MCC: variants seen among roughly 807,000 people sequenced by gnomAD.
MCC encodes the protein colorectal mutant cancer protein.
In MCC, 90 loss-of-function variants were observed where a neutral mutation model predicts 116.2. The ratio of observed to expected loss-of-function variants is 0.77; its 90% CI spans 0.65 to 0.92. MCC has a LOEUF of 0.92. Ranked by LOEUF, MCC falls within the 40% of genes least tolerant of loss-of-function variation. The pLI, the probability that MCC is intolerant of heterozygous loss-of-function variation, is 0.00. For missense variants in MCC, 1,516 were observed against 1,312.2 expected, an observed-to-expected ratio of 1.16 and a Z score of -2.40; for synonymous variants, 578 against 510.5, an observed-to-expected ratio of 1.13 and a Z score of -1.78.
chr5:113,079,350 G>C (rs550900629), intron 11 of MCC, among the ~76,000 whole-genome samples: 101 of 152,268 alleles, frequency 6.6e-4, no homozygotes, highest in African/African-American at 2.2e-3. Context: ...ACATTGCTAA[G>C]ACAATCCTAA....
chr5:113,105,734 T>C (rs1047459306), intron 6 of MCC, among the ~76,000 whole-genome samples: 2 of 152,204 alleles, frequency 1.3e-5, no homozygotes, highest in African/African-American at 4.8e-5. Context: ...ACTGGACCAC[T>C]GTAACAATCT....
Position 113,340,506 on chromosome 5 carries a change from A to C in MCC, c.627+13T>G, listed in dbSNP as rs755884177. 1 of 1,612,140 alleles carries C rather than the reference A, an allele frequency of 6.2e-7. No individual in the cohort carries two copies. ...GGCCGAAATATGTATTCCATGAACC[A>C]AAAAGTACTCACTGTGTTGGCCAGC... On this transcript the variant is annotated intron_variant, in intron 3 of 18. Transcript: ENST00000408903.
chr5:113,311,340 T>C (rs1226279626), intron 3 of MCC, among the ~76,000 whole-genome samples: 3 of 152,194 alleles, frequency 2.0e-5, no homozygotes, highest in Admixed American at 2.0e-4. Flanking sequence ...TGCCCGTGTC[T>C]CCTCCTTAGG....
intron 17 of MCC, among the ~76,000 whole-genome samples, chr5:113,038,731 T>C (rs1751486971): frequency 6.6e-6 from 1 of 151,934 alleles, no homozygotes; most frequent in Admixed American, 6.6e-5. Context: ...TGCCACTGGA[T>C]ATATCCTTAC....
At chr5:113,139,922 G>C (rs80190911) in intron 5 of MCC, among the ~76,000 whole-genome samples, 11,321 of 152,206 alleles carry the variant, frequency 0.074, 541 homozygotes, top group East Asian at 0.12. Context: ...AAATTGACAA[G>C]TGGGATCTAA....
intron 5 of MCC, among the ~76,000 whole-genome samples, chr5:113,139,373 C>G (rs7725873): frequency 0.86 from 130,987 of 152,134 alleles, 57,153 homozygotes; most frequent in Non-Finnish European, 0.93. Flanking sequence ...GTAACATACT[C>G]AATCCAGAAT....
At chr5:113,347,368 TTA>T (rs1489546148) in intron 2 of MCC, among the ~76,000 whole-genome samples, 1 of 151,396 alleles carries the variant, frequency 6.6e-6, no homozygotes, top group Non-Finnish European at 1.5e-5. Context: ...GGAATTTTTA[TTA>T]GTTTTCTTTT....
chr5:113,189,996 C>T (rs1034918272), intron 3 of MCC, among the ~76,000 whole-genome samples: 1 of 152,194 alleles, frequency 6.6e-6, no homozygotes, highest in Non-Finnish European at 1.5e-5. Flanking sequence ...ACTCAGGGGC[C>T]TGTGTCCGCC....
intron 3 of MCC, among the ~76,000 whole-genome samples, chr5:113,267,950 T>A (rs896045971): frequency 6.6e-6 from 1 of 152,202 alleles, no homozygotes; most frequent in Non-Finnish European, 1.5e-5. Context: ...TAAATTAGAA[T>A]GAAATAAAGT....
chr5:113,028,998 T>C lies in MCC; in HGVS notation c.2815A>G (p.Lys939Glu), dbSNP rs534149121. 6.2e-7 allele frequency: 1 copy of C among 1,614,030 alleles called. No individual in the cohort carries two copies. Among genetic ancestry groups the C allele is most frequent in the Non-Finnish European group, 8.5e-7 (1 of 1,179,958 alleles). Residue 939 changes from lysine to glutamate, a missense_variant, in exon 18 of 19, where the codon AAG becomes GAG. By Grantham distance (56) the Lys-to-Glu change is moderately conservative (BLOSUM62 1). Coordinates refer to ENST00000408903, the MANE Select transcript of MCC (RefSeq NM_001085377.2). Reference protein sequence around the residue: ...ELVSALERLTKSSEIRHQQSA... With the variant: ...ELVSALERLTESSEIRHQQSA... ...TGCTGATGTCGGATTTCACTGCTCT[T>C]GGTGAGTCTCTCCAAGGCACTCACC... is the stretch of plus-strand genomic sequence containing the variant.
rs560147388 is a variant in MCC at position 113,077,514 on chromosome 5, G to A, written c.1784+5346C>T. Among the ~76,000 whole-genome samples, 232 of 152,240 alleles carry A rather than the reference G, an allele frequency of 1.5e-3. 3 individuals are homozygous for A. The highest frequency in any genetic ancestry group is 5.3e-3 in the African/African-American group (221 of 41,556). ...AGGATTAAGAAACTCACTCAAAACT[G>A]CATAACTACATGGAAACTGAACAAC... On this transcript the variant is annotated intron_variant, in intron 11 of 18. Coordinates refer to ENST00000408903, the MANE Select transcript of MCC (RefSeq NM_001085377.2).
intron 16 of MCC, chr5:113,044,350 G>C (rs961249971): frequency 3.2e-6 from 1 of 314,378 alleles, no homozygotes; most frequent in South Asian, 1.3e-4. Flanking sequence ...GGAAACTTAA[G>C]AGCCAGTGCT....
chr5:113,082,907 T>C lies in MCC; in HGVS notation c.1737A>G (p.Ser579=). The change falls in exon 11 of 19, where the codon TCA becomes TCG. Residue 579 remains serine, a synonymous_variant. Transcript: ENST00000408903. ...QTLYSHGSAI[S]ESKIREFEVE... ...CCTCAAACTCTCTAATCTTGCTTTC[T>C]GAGATGGCAGATCCGTGTGAGTAGA... 1.9e-6 allele frequency: 3 copies of C among 1,614,162 alleles called. No individual in the cohort carries two copies. The highest frequency in any genetic ancestry group is 2.5e-6 in the Non-Finnish European group (3 of 1,179,964).
chr5:113,260,998 A>G (rs1418508539), intron 3 of MCC, among the ~76,000 whole-genome samples: 1 of 152,206 alleles, frequency 6.6e-6, no homozygotes, highest in Non-Finnish European at 1.5e-5. Context: ...TTGTTAGGAT[A>G]TACCTTTGTG....
At chr5:113,433,810 A>G in intron 1 of MCC, 1 of 1,613,960 alleles carries the variant, frequency 6.2e-7, no homozygotes, top group Non-Finnish European at 8.5e-7. Context: ...TTGCTGGGGA[A>G]ACCCAGGATC....
At chr5:113,348,196 G>A (rs1768179073) in intron 2 of MCC, among the ~76,000 whole-genome samples, 1 of 151,972 alleles carries the variant, frequency 6.6e-6, no homozygotes, top group Admixed American at 6.6e-5. Flanking sequence ...GACTTAATCT[G>A]CATAATAGAA....
chr5:113,051,322 A>T (rs973141482), intron 15 of MCC, among the ~76,000 whole-genome samples: 6 of 152,238 alleles, frequency 3.9e-5, no homozygotes, highest in Non-Finnish European at 7.3e-5. Flanking sequence ...AAAAAGTAAG[A>T]GTCAGCATTT....
chr5:113,381,820 A>G (rs901939870), intron 2 of MCC, among the ~76,000 whole-genome samples: 2 of 152,138 alleles, frequency 1.3e-5, no homozygotes, highest in Non-Finnish European at 2.9e-5. Context: ...ATGGGACCAC[A>G]AGAAATCATC....
At chr5:113,288,748 A>G (rs1766358241) in intron 3 of MCC, among the ~76,000 whole-genome samples, 1 of 152,208 alleles carries the variant, frequency 6.6e-6, no homozygotes, top group Non-Finnish European at 1.5e-5. Flanking sequence ...TAATGTACAC[A>G]TGGATTCCTC....
Sources: gnomAD v4.1 joint callset for allele counts (sites outside exome capture counted in the v4.1 genomes callset) on GRCh38, gnomAD v4.1.1 for gene constraint, MANE v1.5 for transcripts, NCBI Gene and HGNC (gene_info 2026-07-23, HGNC 2026-07-21) for gene names.